The following RBM20 variants were observed in gnomAD, a reference collection of about 807,000 sequenced individuals.
RBM20 encodes RNA-binding protein 20.
In RBM20, 51 loss-of-function variants were observed where a neutral mutation model predicts 110.1. That is an observed-to-expected ratio of 0.46 (90% CI 0.37 to 0.59). The LOEUF (loss-of-function observed/expected upper bound fraction) is 0.59, where lower values mean the gene tolerates loss of function less well. RBM20 is among the 20% of genes least tolerant of loss of function. The pLI is 0.00. For synonymous variants in RBM20, 589 were observed against 618.2 expected, an observed-to-expected ratio of 0.95 and a Z score of 0.70; for missense variants, 1,512 against 1,574.9, an observed-to-expected ratio of 0.96 and a Z score of 0.68.
intron 1 of RBM20, among the ~76,000 whole-genome samples, chr10:110,737,121 G>A (rs554387781): frequency 3.6e-5 from 5 of 138,762 alleles, no homozygotes; most frequent in Admixed American, 7.6e-5. Context: ...AGGTTGCAGT[G>A]AGCTGAGATA....
chr10:110,765,050 C>T (rs1672079981), intron 1 of RBM20, among the ~76,000 whole-genome samples: 2 of 152,256 alleles, frequency 1.3e-5, no homozygotes, highest in East Asian at 3.9e-4. Context: ...CCTAAAACAG[C>T]TCCTCATGAC....
intron 1 of RBM20, among the ~76,000 whole-genome samples, chr10:110,662,074 TG>T (rs1042882846): frequency 4.6e-5 from 7 of 151,856 alleles, no homozygotes; most frequent in African/African-American, 1.5e-4. Flanking sequence ...TCCCAGCTGC[TG>T]GGAGGACGCT....
intron 5 of RBM20, among the ~76,000 whole-genome samples, chr10:110,789,726 G>T (rs1478182781): frequency 6.6e-6 from 1 of 152,150 alleles, no homozygotes; most frequent in African/African-American, 2.4e-5. Context: ...TTTGCTGTTG[G>T]TAGGGTGATT....
Position 110,668,903 on chromosome 10 carries a change from A to G in RBM20, c.191+24258A>G, listed in dbSNP as rs543615401. ...TATAACAATTAAAAAAAAAAAAACC[A>G]AAAAACCTACTGATCATTTTAAGTC... is the stretch of plus-strand genomic sequence containing the variant. On this transcript the variant is annotated intron_variant, in intron 1 of 13. Transcript: ENST00000369519. Among the ~76,000 whole-genome samples, 16 of 151,772 alleles carry G rather than the reference A, an allele frequency of 1.1e-4. No homozygotes were observed. The East Asian group carries it at 2.9e-3, about 27-fold the overall frequency.
intron 1 of RBM20, among the ~76,000 whole-genome samples, chr10:110,649,135 C>G (rs769477046): frequency 6.6e-6 from 1 of 152,050 alleles, no homozygotes; most frequent in African/African-American, 2.4e-5. Context: ...GATCTCTTTG[C>G]CAGTCCTAAT....
At chr10:110,791,048 C>G (rs1844477295) in intron 5 of RBM20, among the ~76,000 whole-genome samples, 2 of 152,202 alleles carry the variant, frequency 1.3e-5, no homozygotes, top group Non-Finnish European at 2.9e-5. Context: ...TAAATTCACT[C>G]TGAGTCAGAG....
intron 9 of RBM20, among the ~76,000 whole-genome samples, chr10:110,819,326 A>C (rs1056380062): frequency 1.4e-4 from 22 of 152,274 alleles, no homozygotes; most frequent in Non-Finnish European, 2.8e-4. Context: ...AATCACTTAA[A>C]ATGTAATTAT....
chr10:110,669,329 G>A lies in RBM20; in HGVS notation c.191+24684G>A, dbSNP rs774949598. Reference sequence around the variant, plus strand: ...AGGGGGGACAGGGTTGTCTTTTGGGGAATAGGAATGATATTTAAACGACCA... The same window carrying A: ...AGGGGGGACAGGGTTGTCTTTTGGGAAATAGGAATGATATTTAAACGACCA... On this transcript the variant is annotated intron_variant, in intron 1 of 13. Coordinates refer to ENST00000369519, the MANE Select transcript of RBM20 (RefSeq NM_001134363.3). Among the ~76,000 whole-genome samples the A allele has an allele frequency of 2.0e-5, 3 of 151,862 alleles. No homozygotes were observed. The East Asian group carries it at 5.8e-4, about 30-fold the overall frequency.
chr10:110,654,071 T>C (rs1343243725), intron 1 of RBM20, among the ~76,000 whole-genome samples: 1 of 152,184 alleles, frequency 6.6e-6, no homozygotes, highest in Non-Finnish European at 1.5e-5. Flanking sequence ...TAGACAGACA[T>C]TTTTCTGTTT....
chr10:110,822,300 A>G (rs982058511), intron 11 of RBM20: 6 of 421,298 alleles, frequency 1.4e-5, no homozygotes, highest in African/African-American at 1.2e-4. Flanking sequence ...AGGGCCACCC[A>G]GGCTGTTATT....
intron 11 of RBM20, among the ~76,000 whole-genome samples, chr10:110,822,966 C>T (rs1411241767): frequency 1.3e-5 from 2 of 152,234 alleles, no homozygotes; most frequent in East Asian, 3.9e-4. Context: ...CAATCAAGCC[C>T]CTTTTATTTT....
intron 7 of RBM20, among the ~76,000 whole-genome samples, chr10:110,807,890 G>A (rs573844663): frequency 4.3e-4 from 65 of 152,342 alleles, no homozygotes; most frequent in African/African-American, 1.5e-3. Flanking sequence ...GTCTATTCTA[G>A]CTTGGCAGTG....
intron 1 of RBM20, among the ~76,000 whole-genome samples, chr10:110,649,671 C>T (rs1175598964): frequency 6.6e-6 from 1 of 152,134 alleles, no homozygotes; most frequent in Non-Finnish European, 1.5e-5. Context: ...TATATTTTAA[C>T]AGGGAAAATT....
At position 110,810,278 on chromosome 10, in the gene RBM20, T is replaced by TC. The variant is rs552316132; in HGVS notation, c.1801-102dup. ...TGTCTTCCCCACACAAGGTATTTTT[T>TC]CCCTTTTGGTGGACCAGGCAATGAA... is the stretch of plus-strand genomic sequence containing the variant. On this transcript the variant is annotated intron_variant, in intron 7 of 13. Transcript: ENST00000369519. 2.4e-4 allele frequency: 192 copies of TC among 791,730 alleles called. No individual in the cohort carries two copies. The East Asian group carries it at 4.5e-3, about 19-fold the overall frequency. The allele number at this position is 791,730 out of a possible 1,614,324, so 49.0% of individuals were successfully genotyped here.
chr10:110,730,584 T>C (rs969888645), intron 1 of RBM20, among the ~76,000 whole-genome samples: 2 of 152,248 alleles, frequency 1.3e-5, no homozygotes, highest in Non-Finnish European at 2.9e-5. Flanking sequence ...TGAACAAGCT[T>C]TAAGTTGCTA....
chr10:110,831,018 A>G, intron 12 of RBM20, 43 bp from the exon 13 acceptor site: 1 of 1,518,916 alleles, frequency 6.6e-7, no homozygotes. Context: ...CCTGCCTCCC[A>G]TGCCATCCTA....
chr10:110,662,106 G>A (rs1017504122), intron 1 of RBM20, among the ~76,000 whole-genome samples: 4 of 152,026 alleles, frequency 2.6e-5, no homozygotes, highest in Non-Finnish European at 5.9e-5. Flanking sequence ...GATCTTCAGT[G>A]GTGTTGGTGT....
intron 1 of RBM20, among the ~76,000 whole-genome samples, chr10:110,675,018 T>C (rs1022995716): frequency 2.0e-5 from 3 of 152,228 alleles, no homozygotes; most frequent in African/African-American, 7.2e-5. Flanking sequence ...CAATTCTGTA[T>C]CCATGGTACA....
chr10:110,716,132 A>G (rs1467257168), intron 1 of RBM20, among the ~76,000 whole-genome samples: 1 of 152,246 alleles, frequency 6.6e-6, no homozygotes, highest in African/African-American at 2.4e-5. Flanking sequence ...GAAAAGACTA[A>G]TCAATAATTT....
Sources: allele counts gnomAD v4.1 joint callset (sites outside exome capture counted in the v4.1 genomes callset), GRCh38; gene constraint gnomAD v4.1.1; transcripts MANE v1.5; gene names NCBI Gene and HGNC (gene_info 2026-07-23, HGNC 2026-07-21).